SLC24A3: variants seen among roughly 807,000 people sequenced by gnomAD.
SLC24A3 encodes the protein solute carrier family 24 member 3.
Under a neutral mutation model 75.8 loss-of-function variants are expected in SLC24A3, and 28 were observed. That is an observed-to-expected ratio of 0.37 (90% CI 0.27 to 0.51). SLC24A3 has a LOEUF of 0.51. SLC24A3 is among the 20% of genes least tolerant of loss of function. The pLI, the probability that SLC24A3 is intolerant of heterozygous loss-of-function variation, is 0.94. For synonymous variants in SLC24A3, 372 were observed against 334.1 expected, an observed-to-expected ratio of 1.11 and a Z score of -1.24; for missense variants, 663 against 847.8, an observed-to-expected ratio of 0.78 and a Z score of 2.71.
At chr20:19,287,253 G>C (rs1983837407) in intron 2 of SLC24A3, among the ~76,000 whole-genome samples, 1 of 152,220 alleles carries the variant, frequency 6.6e-6, no homozygotes, top group Admixed American at 6.5e-5. Context: ...TTCCAAGGTT[G>C]CTGTGCTTCT....
At chr20:19,652,502 A>C (rs569959096) in intron 6 of SLC24A3, among the ~76,000 whole-genome samples, 1 of 152,352 alleles carries the variant, frequency 6.6e-6, no homozygotes, top group South Asian at 2.1e-4. Flanking sequence ...AAAAGGGTAA[A>C]GAATACTTTA....
At chr20:19,448,114 T>C (rs1306898933) in intron 2 of SLC24A3, among the ~76,000 whole-genome samples, 1 of 152,178 alleles carries the variant, frequency 6.6e-6, no homozygotes, top group Non-Finnish European at 1.5e-5. Flanking sequence ...CATCCCTTCC[T>C]CCCAAAATGC....
intron 1 of SLC24A3, among the ~76,000 whole-genome samples, chr20:19,224,545 A>T (rs759747371): frequency 3.3e-5 from 5 of 152,166 alleles, no homozygotes; most frequent in Non-Finnish European, 5.9e-5. Context: ...TTCTTTGATA[A>T]TGATTTTTTT....
At chr20:19,712,575 G>C (rs1293165987) in intron 15 of SLC24A3, among the ~76,000 whole-genome samples, 2 of 152,194 alleles carry the variant, frequency 1.3e-5, no homozygotes, top group Non-Finnish European at 2.9e-5. Flanking sequence ...TACAGAGAAG[G>C]GGTGCTAGGA....
At position 19,699,307 on chromosome 20, in the gene SLC24A3, C is replaced by T. The variant is rs113533821; in HGVS notation, c.1719+627C>T. 9.2e-3 allele frequency among the ~76,000 whole-genome samples: 1,396 copies of T among 152,314 alleles called. 25 individuals carry two copies. The highest frequency in any genetic ancestry group is 0.031 in the African/African-American group (1,300 of 41,556). On this transcript the variant is annotated intron_variant, in intron 15 of 16. Coordinates refer to ENST00000328041, the MANE Select transcript of SLC24A3 (RefSeq NM_020689.4). ...TCCAGGCTGGCCACTGAAAGGGCAACGCCCTGGCGGGGAGAGGGGGAGAGG... is the reference window on the plus strand; with the variant it reads ...TCCAGGCTGGCCACTGAAAGGGCAATGCCCTGGCGGGGAGAGGGGGAGAGG...
At chr20:19,443,000 T>C (rs1017906610) in intron 2 of SLC24A3, among the ~76,000 whole-genome samples, 1 of 152,232 alleles carries the variant, frequency 6.6e-6, no homozygotes, top group Non-Finnish European at 1.5e-5. Context: ...CAATTGACTA[T>C]GTTTGCATGG....
chr20:19,711,369 T>C (rs936494110), intron 15 of SLC24A3, among the ~76,000 whole-genome samples: 5 of 141,070 alleles, frequency 3.5e-5, no homozygotes, highest in African/African-American at 1.1e-4. Context: ...CATGCACACA[T>C]GCAAGCAAAC....
intron 15 of SLC24A3, 63 bp from the exon 16 acceptor site, chr20:19,717,465 A>G (rs2033056323): frequency 1.3e-6 from 2 of 1,579,416 alleles, no homozygotes; most frequent in Non-Finnish European, 1.7e-6. Context: ...TGCCTTTTCC[A>G]AAGCCTAACT....
At chr20:19,648,394 A>T (rs1177322111) in intron 6 of SLC24A3, among the ~76,000 whole-genome samples, 1 of 152,116 alleles carries the variant, frequency 6.6e-6, no homozygotes, top group Non-Finnish European at 1.5e-5. Context: ...TCTCACAGAC[A>T]CTAACAGTTT....
intron 2 of SLC24A3, among the ~76,000 whole-genome samples, chr20:19,391,596 A>G (rs757094538): frequency 6.6e-6 from 1 of 152,196 alleles, no homozygotes; most frequent in African/African-American, 2.4e-5. Context: ...GGGTGAGGCC[A>G]TGCAGTGTAT....
At chr20:19,434,222 G>A (rs1987155652) in intron 2 of SLC24A3, among the ~76,000 whole-genome samples, 1 of 152,222 alleles carries the variant, frequency 6.6e-6, no homozygotes, top group Non-Finnish European at 1.5e-5. Flanking sequence ...TTCATGGGCA[G>A]TAAAACCAAG....
intron 6 of SLC24A3, among the ~76,000 whole-genome samples, chr20:19,650,626 C>T (rs1377628573): frequency 2.6e-5 from 4 of 152,088 alleles, no homozygotes; most frequent in Admixed American, 6.6e-5. Flanking sequence ...GGAGGGTTTA[C>T]GTCTCTTTTA....
At chr20:19,532,819 A>G (rs1330364079) in intron 3 of SLC24A3, among the ~76,000 whole-genome samples, 3 of 152,256 alleles carry the variant, frequency 2.0e-5, no homozygotes, top group Admixed American at 1.3e-4. Context: ...AAGATAGGAT[A>G]TTAATTGGTA....
chr20:19,462,880 T>A (rs1041502866), intron 2 of SLC24A3, among the ~76,000 whole-genome samples: 2 of 152,146 alleles, frequency 1.3e-5, no homozygotes, highest in African/African-American at 2.4e-5. Context: ...GGACTATCTA[T>A]CCCTGGCAGT....
At chr20:19,717,687 CTG>C in intron 16 of SLC24A3, 94 bp downstream of exon 16, 1 of 1,425,230 alleles carries the variant, frequency 7.0e-7, no homozygotes, top group South Asian at 1.2e-5. Flanking sequence ...CTCCTGGTGA[CTG>C]GGTACAAGCA....
chr20:19,333,905 T>C (rs1600434585), intron 2 of SLC24A3, among the ~76,000 whole-genome samples: 1 of 152,300 alleles, frequency 6.6e-6, no homozygotes, highest in East Asian at 1.9e-4. Flanking sequence ...TCAAACTGCC[T>C]GTTTCCATTT....
intron 2 of SLC24A3, among the ~76,000 whole-genome samples, chr20:19,459,769 C>T (rs1987638544): frequency 6.6e-6 from 1 of 152,134 alleles, no homozygotes; most frequent in Admixed American, 6.5e-5. Context: ...CAGGGAAACC[C>T]TTGGGGAATC....
intron 3 of SLC24A3, among the ~76,000 whole-genome samples, chr20:19,559,719 A>G (rs901851398): frequency 3.3e-5 from 5 of 152,228 alleles, no homozygotes; most frequent in Admixed American, 3.3e-4. Flanking sequence ...TGCCCTGAGA[A>G]TCATTAATTA....
At chr20:19,631,843 A>C (rs2031939041) in intron 6 of SLC24A3, among the ~76,000 whole-genome samples, 1 of 145,522 alleles carries the variant, frequency 6.9e-6, no homozygotes, top group Non-Finnish European at 1.5e-5. Flanking sequence ...CAATTTTTTA[A>C]AAGTTTTTCT....
Sources: gnomAD v4.1 joint callset for allele counts (sites outside exome capture counted in the v4.1 genomes callset) on GRCh38, gnomAD v4.1.1 for gene constraint, MANE v1.5 for transcripts, NCBI Gene and HGNC (gene_info 2026-07-23, HGNC 2026-07-21) for gene names.